The following SPAST variants were observed in gnomAD, a reference collection of about 807,000 sequenced individuals.
SPAST encodes the protein spastic paraplegia 4 (autosomal dominant; spastin).
A neutral mutation model predicts 76.6 loss-of-function variants in SPAST; 30 were observed. The ratio of observed to expected loss-of-function variants is 0.39; its 90% CI spans 0.29 to 0.53. The LOEUF (loss-of-function observed/expected upper bound fraction) is 0.53. SPAST is among the 20% of genes least tolerant of loss of function. The pLI is 0.68. For synonymous variants in SPAST, 305 were observed against 281.0 expected (o/e 1.09, Z -0.86); for missense variants, 717 against 770.5 (o/e 0.93, Z 0.82).
intron 1 of SPAST, among the ~76,000 whole-genome samples, chr2:32,073,766 T>C (rs1676845134): frequency 6.6e-6 from 1 of 152,206 alleles, no homozygotes; most frequent in Non-Finnish European, 1.5e-5. Flanking sequence ...AAAACATCTT[T>C]GAACACTGTC....
chr2:32,120,904 G>A (rs1678995537), intron 7 of SPAST, among the ~76,000 whole-genome samples: 2 of 152,130 alleles, frequency 1.3e-5, no homozygotes, highest in African/African-American at 2.4e-5. Flanking sequence ...TTGACTGGAT[G>A]TCAAGATTTA....
At chr2:32,149,981 GT>G (rs889000172) in intron 16 of SPAST, among the ~76,000 whole-genome samples, 16 of 126,718 alleles carry the variant, frequency 1.3e-4, no homozygotes, top group Middle Eastern at 4.2e-3. Flanking sequence ...GAGTTTGTTT[GT>G]TTTTTTTTTT....
chr2:32,157,397 A>G lies in SPAST; in HGVS notation c.*2901A>G, dbSNP rs1680287681. On this transcript the variant is annotated 3_prime_UTR_variant, in exon 17 of 17. Coordinates refer to ENST00000315285, the MANE Select transcript of SPAST (RefSeq NM_014946.4). Reference sequence around the variant, plus strand: ...TACTAGAATTCTAATTTAATTACATATACAGCCGTCTTTGTTTATAGTGTA... The same window carrying G: ...TACTAGAATTCTAATTTAATTACATGTACAGCCGTCTTTGTTTATAGTGTA... 1 of 152,636 alleles carries G rather than the reference A, an allele frequency of 6.6e-6. No homozygotes were observed. The highest frequency in any genetic ancestry group is 1.5e-5 in the Non-Finnish European group (1 of 68,032). 9.5% of individuals were successfully genotyped at this position (152,636 alleles called of 1,614,324 possible).
chr2:32,106,698 C>T (rs1678335515), intron 4 of SPAST, among the ~76,000 whole-genome samples: 1 of 152,284 alleles, frequency 6.6e-6, no homozygotes, highest in South Asian at 2.1e-4. Flanking sequence ...AACTCTTTCC[C>T]TTGTGGCTTC....
chr2:32,137,127 G>A lies in SPAST; in HGVS notation c.1432G>A (p.Asp478Asn), dbSNP rs1191508807. ...EFDGVQSAGDDRVLVMGATNR... is the reference protein window; with the variant it reads ...EFDGVQSAGDNRVLVMGATNR... ...CTTGTAGGTACAGTCTGCTGGAGATGACAGAGTACTTGTAATGGGTGCAAC... is the reference window on the plus strand; with the variant it reads ...CTTGTAGGTACAGTCTGCTGGAGATAACAGAGTACTTGTAATGGGTGCAAC... The change falls in exon 12 of 17, where the codon GAC becomes AAC. Residue 478 changes from aspartate to asparagine, a missense_variant. Asp to Asn is a conservative substitution (Grantham distance 23). Transcript: ENST00000315285. 1 of 1,613,872 alleles carries A rather than the reference G, an allele frequency of 6.2e-7. No homozygotes were observed. Among genetic ancestry groups the A allele is most frequent in the Non-Finnish European group, 8.5e-7 (1 of 1,179,806 alleles).
intron 7 of SPAST, among the ~76,000 whole-genome samples, chr2:32,121,830 C>T (rs1679031224): frequency 6.6e-6 from 1 of 152,214 alleles, no homozygotes; most frequent in African/African-American, 2.4e-5. Flanking sequence ...AGGCATGAGC[C>T]ACCGTGCCCA....
rs368657876 is a variant in SPAST, at chr2:32,145,090, G to A, written c.1687+83G>A. The A allele has an allele frequency of 2.9e-3, 3,010 of 1,025,290 alleles. 100 individuals are homozygous for A. In the South Asian group the frequency reaches 0.04, roughly 13 times the overall value. The allele number at this position is 1,025,290 out of a possible 1,614,324, so 63.5% of individuals were successfully genotyped here. On this transcript the variant is annotated intron_variant, in intron 15 of 16. Transcript: ENST00000315285. Reference sequence around the variant, plus strand: ...TAAGAAGTCCAAAAAAATCTACCAAGAGATTTTTTTTTTCTTTTGGAGACA... The same window carrying A: ...TAAGAAGTCCAAAAAAATCTACCAAAAGATTTTTTTTTTCTTTTGGAGACA...
intron 1 of SPAST, among the ~76,000 whole-genome samples, chr2:32,066,573 C>T (rs1284495244): frequency 1.3e-5 from 2 of 151,338 alleles, no homozygotes; most frequent in African/African-American, 4.9e-5. Flanking sequence ...GAGGCTGAGG[C>T]AAGAGAAGTG....
At chr2:32,150,463 T>C (rs1680045930) in intron 16 of SPAST, among the ~76,000 whole-genome samples, 1 of 151,694 alleles carries the variant, frequency 6.6e-6, no homozygotes, top group African/African-American at 2.4e-5. Flanking sequence ...TTTGGGACAG[T>C]GTCTCACTTG....
At chr2:32,096,767 C>G (rs1405586799) in intron 3 of SPAST, among the ~76,000 whole-genome samples, 1 of 151,808 alleles carries the variant, frequency 6.6e-6, no homozygotes, top group Non-Finnish European at 1.5e-5. Context: ...TCTACATTTA[C>G]AAATCAGTGT....
At chr2:32,140,925 G>A (rs574597582) in intron 12 of SPAST, among the ~76,000 whole-genome samples, 1 of 145,788 alleles carries the variant, frequency 6.9e-6, no homozygotes, top group South Asian at 2.3e-4. Flanking sequence ...TTTTTTGGGG[G>A]CAGGTTTTGT....
chr2:32,147,307 A>ATATATGTATGTCT, intron 16 of SPAST, 49 bp downstream of exon 16: 2 of 1,180,216 alleles, frequency 1.7e-6, no homozygotes, highest in Non-Finnish European at 2.5e-6. Context: ...ATTGTAAGAC[A>ATATATGTATGTCT]TATATAAGAC....
At chr2:32,112,287 C>G (rs1218090414) in intron 4 of SPAST, among the ~76,000 whole-genome samples, 1 of 150,706 alleles carries the variant, frequency 6.6e-6, no homozygotes, top group Non-Finnish European at 1.5e-5. Context: ...CCCTGTTGCT[C>G]TATCAAGTAG....
chr2:32,064,540 C>T (rs542580494), intron 1 of SPAST, among the ~76,000 whole-genome samples: 1 of 152,312 alleles, frequency 6.6e-6, no homozygotes, highest in African/African-American at 2.4e-5. Context: ...ATGACAGTGA[C>T]ATTTGTCCTA....
chr2:32,142,976 A>G (rs1224469400), intron 13 of SPAST, among the ~76,000 whole-genome samples: 1 of 152,080 alleles, frequency 6.6e-6, no homozygotes, highest in Non-Finnish European at 1.5e-5. Context: ...AATTATTGCT[A>G]TGTTTTTATC....
intron 4 of SPAST, 88 bp from the exon 5 acceptor site, chr2:32,114,550 A>G (rs1329186962): frequency 6.0e-6 from 6 of 991,756 alleles, no homozygotes; most frequent in Middle Eastern, 5.5e-4. Context: ...AAAAAAATAT[A>G]TTATTACCTT....
intron 6 of SPAST, 50 bp downstream of exon 6, chr2:32,115,885 T>G (rs1391697022): frequency 7.0e-7 from 1 of 1,428,958 alleles, no homozygotes; most frequent in Admixed American, 1.8e-5. Context: ...ATATTTTAAT[T>G]TTACTTATAA....
intron 4 of SPAST, among the ~76,000 whole-genome samples, chr2:32,102,728 CAT>C (rs1392231771): frequency 4.6e-5 from 7 of 152,182 alleles, no homozygotes; most frequent in African/African-American, 1.7e-4. Context: ...TTGAGATAAT[CAT>C]GTGGTTTTTG....
intron 1 of SPAST, among the ~76,000 whole-genome samples, chr2:32,069,886 C>A (rs1288565884): frequency 6.6e-6 from 1 of 151,794 alleles, no homozygotes; most frequent in Non-Finnish European, 1.5e-5. Context: ...AACTGAAAAC[C>A]AATTTATTTG....
Sources: gnomAD v4.1 joint callset for allele counts (sites outside exome capture counted in the v4.1 genomes callset) on GRCh38, gnomAD v4.1.1 for gene constraint, MANE v1.5 for transcripts, NCBI Gene and HGNC (gene_info 2026-07-23, HGNC 2026-07-21) for gene names.